Variants in ANKRD30A observed in about 807,000 individuals in gnomAD.
ANKRD30A encodes ankyrin repeat domain-containing protein 30A.
Under a neutral mutation model 166.3 loss-of-function variants are expected in ANKRD30A, and 170 were observed. The observed-to-expected ratio is 1.02, with a 90% CI of 0.90 to 1.16. The LOEUF is 1.16. Ranked by LOEUF, ANKRD30A falls within the 50% of genes most tolerant of loss-of-function variation. The pLI is 0.00. For synonymous variants in ANKRD30A, 564 were observed against 508.9 expected (o/e 1.11, Z -1.46); for missense variants, 1,630 against 1,518.0 (o/e 1.07, Z -1.23).
chr10:37,245,657 T>C, the ANKRD30A span, among the ~76,000 whole-genome samples: 1 of 152,034 alleles, frequency 6.6e-6, no homozygotes, highest in African/African-American at 2.4e-5. Flanking sequence ...ATGGCTTCTG[T>C]GGGTTAGAAG....
chr10:37,166,181 T>A (rs1839321370), intron 18 of ANKRD30A, among the ~76,000 whole-genome samples: 1 of 152,150 alleles, frequency 6.6e-6, no homozygotes, highest in South Asian at 2.1e-4. Context: ...ACTAAACAGT[T>A]CTATGATCGT....
At chr10:37,126,227 C>T (rs1235774328) in intron 1 of ANKRD30A, among the ~76,000 whole-genome samples, 1 of 152,180 alleles carries the variant, frequency 6.6e-6, no homozygotes, top group Admixed American at 6.5e-5. Flanking sequence ...AGGGCCCATG[C>T]CACCTTAAAA....
At chr10:37,205,067 A>G (rs1182544396) in intron 31 of ANKRD30A, among the ~76,000 whole-genome samples, 1 of 152,180 alleles carries the variant, frequency 6.6e-6, no homozygotes, top group African/African-American at 2.4e-5. Context: ...TAGAACTAGA[A>G]ATACCATTTG....
chr10:37,160,209 C>A (rs1838745896), intron 15 of ANKRD30A, among the ~76,000 whole-genome samples: 1 of 152,140 alleles, frequency 6.6e-6, no homozygotes, highest in African/African-American at 2.4e-5. Flanking sequence ...GCTGATATCA[C>A]AGAGCTTTTA....
At chr10:37,244,236 A>C in the ANKRD30A span, among the ~76,000 whole-genome samples, 9 of 152,162 alleles carry the variant, frequency 5.9e-5, no homozygotes, top group Admixed American at 5.9e-4. Context: ...GTGTTTGAAA[A>C]GGATTAATTG....
At chr10:37,199,851 A>G (rs1169565950) in intron 30 of ANKRD30A, 63 bp downstream of exon 30, 1 of 1,026,036 alleles carries the variant, frequency 9.7e-7, no homozygotes, top group Non-Finnish European at 1.4e-6. Context: ...ATAAAATCAG[A>G]TGCTTAGACT....
At chr10:37,160,904 A>G (rs190910233) in intron 15 of ANKRD30A, among the ~76,000 whole-genome samples, 324 of 152,068 alleles carry the variant, frequency 2.1e-3, no homozygotes, top group African/African-American at 7.4e-3. Context: ...ACCTAATATA[A>G]TTGTCAACCA....
chr10:37,208,995 TCTTTTCATAG>T (rs1239669625), intron 31 of ANKRD30A, among the ~76,000 whole-genome samples: 2 of 152,188 alleles, frequency 1.3e-5, no homozygotes, highest in Non-Finnish European at 2.9e-5. Context: ...TCTTTTCATG[TCTTTTCATAG>T]CTTGATAGTT....
At chr10:37,157,412 C>A (rs1403815685) in intron 13 of ANKRD30A, among the ~76,000 whole-genome samples, 1 of 152,186 alleles carries the variant, frequency 6.6e-6, no homozygotes, top group African/African-American at 2.4e-5. Context: ...GTCATCCAGG[C>A]TGGAGTGCAG....
chr10:37,216,082 A>G (rs1842591141), intron 31 of ANKRD30A, 99 bp from the exon 32 acceptor site: 7 of 783,788 alleles, frequency 8.9e-6, no homozygotes, highest in South Asian at 8.7e-5. Flanking sequence ...TAGGCAATCA[A>G]TATATATTTG....
At position 37,223,500 on chromosome 10, in the gene ANKRD30A, G is replaced by C. The variant is rs373466450; in HGVS notation, c.4185+3603G>C. ...AACTATTGATGACAATGCTTTGAGG[G>C]CATCTTTGGAAACCAAAATGTAAAT... On this transcript the variant is annotated intron_variant, in intron 34 of 35. Transcript: ENST00000361713. Among the ~76,000 whole-genome samples, 4 of 151,310 alleles carry C rather than the reference G, an allele frequency of 2.6e-5. 1 individual carries two copies. In the South Asian group the frequency reaches 6.2e-4, roughly 23 times the overall value.
Position 37,153,621 on chromosome 10 carries a change from C to A in ANKRD30A, c.1757C>A (p.Thr586Lys). 1 of 1,611,872 alleles carries A rather than the reference C, an allele frequency of 6.2e-7. No individual in the cohort carries two copies. The highest frequency in any genetic ancestry group is 2.2e-5 in the East Asian group (1 of 44,800). The change falls in exon 13 of 36, where the codon ACA (threonine) becomes AAA (lysine). Residue 586 changes from threonine (T) to lysine (K), a missense_variant. Around this residue, in one of 4 missense-constraint regions of ANKRD30A, gnomAD observed 904 missense variants for 818.5 expected, o/e 1.10. Transcript: ENST00000361713. ...AAGGATGTGTGTTTACCCAAGGCTA[C>A]ACATCAAAAAGAAATAGATAAAATA... ...SQKDVCLPKA[T>K]HQKEIDKING... is the part of the protein sequence containing the mutation.
chr10:37,149,810 A>C lies in ANKRD30A; in HGVS notation c.1606A>C (p.Lys536Gln), dbSNP rs764427256. Residue 536 changes from lysine (K) to glutamine (Q), a missense_variant, in exon 11 of 36, where the codon AAA (lysine) becomes CAA (glutamine). By Grantham distance (53) the Lys-to-Gln change is moderately conservative. Transcript: ENST00000361713. Reference sequence around the variant, plus strand: ...TGAAATGCAAAACTCTGTTCCAAATAAAGCCTTTGAATTGAAGAATGAACA... The same window carrying C: ...TGAAATGCAAAACTCTGTTCCAAATCAAGCCTTTGAATTGAAGAATGAACA... Reference protein sequence around the residue: ...AIEMQNSVPNKAFELKNEQTL... With the variant: ...AIEMQNSVPNQAFELKNEQTL... The C allele has an allele frequency of 2.2e-5, 36 of 1,612,948 alleles. No individual in the cohort carries two copies. The highest frequency in any genetic ancestry group is 3.0e-5 in the Non-Finnish European group (35 of 1,179,150).
intron 19 of ANKRD30A, among the ~76,000 whole-genome samples, chr10:37,166,910 C>G (rs1839397630): frequency 6.6e-6 from 1 of 151,852 alleles, no homozygotes; most frequent in Non-Finnish European, 1.5e-5. Context: ...AGTTTGAATT[C>G]AAGATATTCC....
the ANKRD30A span, among the ~76,000 whole-genome samples, chr10:37,257,751 C>A: frequency 1.3e-5 from 2 of 151,950 alleles, no homozygotes; most frequent in Non-Finnish European, 2.9e-5. Flanking sequence ...TGTACATATA[C>A]AAATTAGAGT....
At chr10:37,130,775 C>G (rs1436063850) in intron 3 of ANKRD30A, among the ~76,000 whole-genome samples, 1 of 152,116 alleles carries the variant, frequency 6.6e-6, no homozygotes, top group East Asian at 1.9e-4. Flanking sequence ...GTGTCTCCAG[C>G]CCATATGACT....
intron 34 of ANKRD30A, among the ~76,000 whole-genome samples, chr10:37,226,479 T>A (rs1412193482): frequency 6.6e-6 from 1 of 151,716 alleles, no homozygotes; most frequent in Admixed American, 6.6e-5. Flanking sequence ...GCAGATGCTA[T>A]AGCATAACAT....
the ANKRD30A span, among the ~76,000 whole-genome samples, chr10:37,251,860 G>C: frequency 6.6e-6 from 1 of 152,158 alleles, no homozygotes; most frequent in Non-Finnish European, 1.5e-5. Context: ...GTTTCAAAGT[G>C]AATTTTTCCA....
chr10:37,232,654 T>TTTTATATATATATA (rs1843466585), downstream of ANKRD30A: 1 of 54,214 alleles, frequency 1.8e-5, no homozygotes, highest in Non-Finnish European at 3.5e-5. Flanking sequence ...AGCATTGGTT[T>TTTTATATATATATA]TATATATATA....
Sources: allele counts gnomAD v4.1 joint callset (sites outside exome capture counted in the v4.1 genomes callset), GRCh38; gene constraint gnomAD v4.1.1; regional missense constraint gnomAD v4.1.1; transcripts MANE v1.5; gene names NCBI Gene and HGNC (gene_info 2026-07-23, HGNC 2026-07-21).